MACROD2: variants seen among roughly 807,000 people sequenced by gnomAD.
The protein encoded by MACROD2 is mono-ADP ribosylhydrolase 2.
In MACROD2, 36 loss-of-function variants were observed where a neutral mutation model predicts 70.4. The observed-to-expected ratio is 0.51, with a 90% CI of 0.39 to 0.68. MACROD2 has a LOEUF of 0.68. MACROD2 is among the 30% of genes least tolerant of loss of function. The pLI, the probability that MACROD2 is intolerant of heterozygous loss-of-function variation, is 0.00. For synonymous variants in MACROD2, 172 were observed against 178.8 expected, an observed-to-expected ratio of 0.96 and a Z score of 0.30; for missense variants, 496 against 538.4, an observed-to-expected ratio of 0.92 and a Z score of 0.78.
chr20:16,032,575 A>G (rs778972341), intron 15 of MACROD2, among the ~76,000 whole-genome samples: 1 of 151,194 alleles, frequency 6.6e-6, no homozygotes, highest in Non-Finnish European at 1.5e-5. Context: ...GAGAAGGAGA[A>G]ACTAGGATGC....
intron 6 of MACROD2, among the ~76,000 whole-genome samples, chr20:15,241,506 G>A (rs2146006071): frequency 6.6e-6 from 1 of 152,146 alleles, no homozygotes; most frequent in South Asian, 2.1e-4. Flanking sequence ...CCAGCAAGTG[G>A]CAATTCTATG....
chr20:15,114,793 G>A (rs1283171501), intron 5 of MACROD2, among the ~76,000 whole-genome samples: 1 of 151,902 alleles, frequency 6.6e-6, no homozygotes, highest in Non-Finnish European at 1.5e-5. Context: ...CTTTTTACCT[G>A]TTTTCTTGTT....
chr20:14,133,216 A>G (rs941126710), intron 3 of MACROD2, among the ~76,000 whole-genome samples: 4 of 152,216 alleles, frequency 2.6e-5, no homozygotes, highest in Non-Finnish European at 4.4e-5. Context: ...TTGATACATA[A>G]AATTAACCAT....
chr20:14,823,758 A>G (rs1432793549), intron 5 of MACROD2, among the ~76,000 whole-genome samples: 1 of 152,044 alleles, frequency 6.6e-6, no homozygotes, highest in African/African-American at 2.4e-5. Flanking sequence ...CCAAATCCCA[A>G]ATATATTTGG....
chr20:15,115,610 G>GA (rs1209272559), intron 5 of MACROD2, among the ~76,000 whole-genome samples: 1 of 152,110 alleles, frequency 6.6e-6, no homozygotes, highest in African/African-American at 2.4e-5. Flanking sequence ...TAGGATTTTA[G>GA]AATCAGAATC....
intron 8 of MACROD2, among the ~76,000 whole-genome samples, chr20:15,578,212 T>G (rs1044355349): frequency 6.6e-6 from 1 of 152,184 alleles, no homozygotes; most frequent in Non-Finnish European, 1.5e-5. Context: ...TCACAGTGTT[T>G]TCAGACCCTG....
chr20:14,283,451 A>T (rs2082321767), intron 3 of MACROD2, among the ~76,000 whole-genome samples: 1 of 152,184 alleles, frequency 6.6e-6, no homozygotes, highest in Non-Finnish European at 1.5e-5. Context: ...TGTTCTTAGA[A>T]TGAACATCTC....
intron 3 of MACROD2, among the ~76,000 whole-genome samples, chr20:14,219,149 C>T (rs780170774): frequency 2.7e-4 from 41 of 152,304 alleles, no homozygotes; most frequent in Non-Finnish European, 4.6e-4. Flanking sequence ...TTAGAATTCT[C>T]CTCTTCCTCA....
intron 7 of MACROD2, among the ~76,000 whole-genome samples, chr20:15,483,516 G>C (rs911922974): frequency 2.0e-5 from 3 of 152,104 alleles, no homozygotes; most frequent in African/African-American, 7.2e-5. Flanking sequence ...CCAATATTGT[G>C]TTGGCTATTC....
At chr20:15,592,762 C>T (rs911473433) in intron 8 of MACROD2, among the ~76,000 whole-genome samples, 2 of 152,200 alleles carry the variant, frequency 1.3e-5, no homozygotes, top group East Asian at 3.8e-4. Flanking sequence ...CAGTTGTCTT[C>T]ATTATTTGCA....
intron 5 of MACROD2, among the ~76,000 whole-genome samples, chr20:14,972,779 T>C (rs2074703409): frequency 6.6e-6 from 1 of 152,192 alleles, no homozygotes; most frequent in Non-Finnish European, 1.5e-5. Context: ...AAGAGAATTC[T>C]GGAAGCATAG....
At chr20:14,057,802 G>A (rs1198376759) in intron 2 of MACROD2, among the ~76,000 whole-genome samples, 2 of 152,098 alleles carry the variant, frequency 1.3e-5, no homozygotes, top group Non-Finnish European at 2.9e-5. Context: ...AACAGATTAT[G>A]GTAGATTTAA....
chr20:14,391,222 T>C (rs765616357), intron 3 of MACROD2, among the ~76,000 whole-genome samples: 3 of 152,166 alleles, frequency 2.0e-5, no homozygotes, highest in Non-Finnish European at 4.4e-5. Context: ...GGAATCAATC[T>C]AAATGCCCAT....
At chr20:15,302,493 T>C (rs1418349111) in intron 6 of MACROD2, among the ~76,000 whole-genome samples, 1 of 152,218 alleles carries the variant, frequency 6.6e-6, no homozygotes, top group Non-Finnish European at 1.5e-5. Context: ...GTGGAACTCC[T>C]TCCAAAAGAG....
At chr20:15,933,205 A>G (rs1303733747) in intron 10 of MACROD2, 71 bp from the exon 11 acceptor site, 8 of 1,431,736 alleles carry the variant, frequency 5.6e-6, no homozygotes, top group Non-Finnish European at 6.9e-6. Context: ...TCAGTGCTGC[A>G]TATTAGCCGT....
At chr20:15,347,777 T>G (rs1409961499) in intron 6 of MACROD2, among the ~76,000 whole-genome samples, 1 of 152,220 alleles carries the variant, frequency 6.6e-6, no homozygotes, top group African/African-American at 2.4e-5. Context: ...GGATTTTTGT[T>G]TTTTCCACTA....
At chr20:15,148,380 G>C (rs1014994670) in intron 5 of MACROD2, among the ~76,000 whole-genome samples, 3 of 152,004 alleles carry the variant, frequency 2.0e-5, no homozygotes, top group African/African-American at 7.3e-5. Context: ...AGAATTGGGA[G>C]GACCTAGGAC....
intron 3 of MACROD2, among the ~76,000 whole-genome samples, chr20:14,485,609 G>A (rs950178149): frequency 4.7e-5 from 7 of 149,644 alleles, no homozygotes; most frequent in Admixed American, 6.8e-5. Context: ...GCTGAGGCAG[G>A]AGAATGACGT....
At chr20:15,748,114 T>C (rs1413830589) in intron 8 of MACROD2, among the ~76,000 whole-genome samples, 1 of 152,178 alleles carries the variant, frequency 6.6e-6, no homozygotes, top group Non-Finnish European at 1.5e-5. Context: ...CCATGTTATT[T>C]CCTTTCTTAA....
Sources: allele counts gnomAD v4.1 joint callset (sites outside exome capture counted in the v4.1 genomes callset), GRCh38; gene constraint gnomAD v4.1.1; transcripts MANE v1.5; gene names NCBI Gene and HGNC (gene_info 2026-07-23, HGNC 2026-07-21).